The following ARL10 variants were observed in gnomAD, a reference collection of about 807,000 sequenced individuals.
The protein encoded by ARL10 is ARF like GTPase 10, also known as ADP-ribosylation factor-like protein 10.
ARL10 carries 23 observed loss-of-function variants against 26.1 expected under a neutral mutation model. That is an observed-to-expected ratio of 0.88 (90% CI 0.63 to 1.25). ARL10 has a LOEUF of 1.25. Ranked by LOEUF, ARL10 falls within the 50% of genes most tolerant of loss-of-function variation. The probability of loss-of-function intolerance (pLI) is 0.00; values close to 1 mark genes in which losing one functional copy is unlikely to be tolerated. For synonymous variants in ARL10, 138 were observed against 149.1 expected, an observed-to-expected ratio of 0.93 and a Z score of 0.54; for missense variants, 300 against 323.6, an observed-to-expected ratio of 0.93 and a Z score of 0.56.
chr5:176,390,404 G>C (rs1016520666), downstream of ARL10, among the ~76,000 whole-genome samples: 8 of 151,936 alleles, frequency 5.3e-5, no homozygotes, highest in Non-Finnish European at 8.8e-5. Context: ...CACCTCCCTA[G>C]AGTCTATGGG....
At chr5:176,399,919 CA>C (rs1283096096) in intron 1 of ARL10, among the ~76,000 whole-genome samples, 2 of 148,830 alleles carry the variant, frequency 1.3e-5, no homozygotes, top group African/African-American at 2.5e-5. Flanking sequence ...AGACCGGGCA[CA>C]GTGACTCACA....
chr5:176,366,270 T>TC, intron 1 of ARL10, 110 bp from the exon 2 acceptor site: 1 of 1,320,726 alleles, frequency 7.6e-7, no homozygotes, highest in Non-Finnish European at 1.0e-6. Context: ...TGCCTGCCTG[T>TC]CCCAGGACGG....
chr5:176,406,147 G>A (rs936100157), downstream of ARL10: 14 of 986,400 alleles, frequency 1.4e-5, no homozygotes, highest in African/African-American at 3.5e-5. Flanking sequence ...CTGGGCTCTC[G>A]TTTAATCACC....
Position 176,374,440 on chromosome 5 carries a change from G to C in ARL10, c.*2545G>C, listed in dbSNP as rs1167216636. The C allele has an allele frequency of 6.6e-6, 1 of 152,192 alleles. No homozygotes were observed. Among genetic ancestry groups the C allele is most frequent in the Non-Finnish European group, 1.5e-5 (1 of 68,042 alleles). 9.4% of individuals were successfully genotyped at this position (152,192 alleles called of 1,614,324 possible). On this transcript the variant is annotated 3_prime_UTR_variant, in exon 4 of 4. Transcript: ENST00000310389. ...TAATGAGACCATTTGAGGTACAAAGGATGACTGCATTGGTGTACTTAAGAC... is the reference window on the plus strand; with the variant it reads ...TAATGAGACCATTTGAGGTACAAAGCATGACTGCATTGGTGTACTTAAGAC...
chr5:176,405,207 G>T (rs943035994), downstream of ARL10, among the ~76,000 whole-genome samples: 1 of 151,988 alleles, frequency 6.6e-6, no homozygotes, highest in African/African-American at 2.4e-5. Flanking sequence ...AGCGAGTTTG[G>T]GACCAGGTGC....
In ARL10 at chr5:176,381,771, A is replaced by G. The variant is rs1755557216; in HGVS notation, c.*9876A>G. ...CTTAACAAAGGTCACCTTTGGAACC[A>G]GCACTAATTGTTGAGGGGGTCCCTG... is the stretch of plus-strand genomic sequence containing the variant. On this transcript the variant is annotated 3_prime_UTR_variant, in exon 4 of 4. Coordinates refer to ENST00000310389, the MANE Select transcript of ARL10 (RefSeq NM_173664.6). 2 of 152,260 alleles carry G rather than the reference A, an allele frequency of 1.3e-5. No homozygotes were observed. The highest frequency in any genetic ancestry group is 2.9e-5 in the Non-Finnish European group (2 of 68,046). The allele number at this position is 152,260 out of a possible 1,614,324, so 9.4% of individuals were successfully genotyped here.
chr5:176,397,772 C>T (rs987877373), intron 1 of ARL10: 28 of 1,559,338 alleles, frequency 1.8e-5, no homozygotes, highest in East Asian at 4.5e-5. Flanking sequence ...TGCACAGGCC[C>T]GGCCGCGCTC....
At chr5:176,405,583 G>A (rs1461292236), downstream of ARL10, 1 of 151,778 alleles carries the variant, frequency 6.6e-6, no homozygotes, top group Non-Finnish European at 1.5e-5. Flanking sequence ...CTCCATATCC[G>A]TTTATTCACT....
chr5:176,388,152 G>A, intron 1 of ARL10: 1 of 1,018,140 alleles, frequency 9.8e-7, no homozygotes, highest in East Asian at 2.4e-5. Flanking sequence ...GAAGGAATGG[G>A]CAGTACCACG....
chr5:176,390,019 C>T (rs1756196936), downstream of ARL10, among the ~76,000 whole-genome samples: 1 of 151,836 alleles, frequency 6.6e-6, no homozygotes, highest in Admixed American at 6.6e-5. Flanking sequence ...CCCATCTCTA[C>T]TAAAAATACA....
downstream of ARL10, among the ~76,000 whole-genome samples, chr5:176,393,596 C>T (rs1026934064): frequency 6.6e-6 from 1 of 152,166 alleles, no homozygotes; most frequent in Non-Finnish European, 1.5e-5. This position sits in a 1 kb window ranked among gnomAD's most constrained non-coding sequence, Gnocchi z 4.4. Flanking sequence ...ACATCCCAAG[C>T]GTCTTTCACC....
downstream of ARL10, among the ~76,000 whole-genome samples, chr5:176,390,892 T>C (rs562201277): frequency 3.3e-5 from 5 of 152,304 alleles, no homozygotes; most frequent in Non-Finnish European, 1.5e-5. Flanking sequence ...GCTGAGGACC[T>C]GAGCACACTC....
chr5:176,386,873 T>G (rs1227260064), downstream of ARL10: 1 of 1,614,056 alleles, frequency 6.2e-7, no homozygotes, highest in Non-Finnish European at 8.5e-7. Context: ...ACAAGCTCTT[T>G]AGGCCTCTCC....
rs1235904337 is a variant in ARL10 at position 176,378,456 on chromosome 5, G to A, written c.*6561G>A. 1 of 152,220 alleles carries A rather than the reference G, an allele frequency of 6.6e-6. No homozygotes were observed. Among genetic ancestry groups the A allele is most frequent in the Non-Finnish European group, 1.5e-5 (1 of 68,040 alleles). The allele number at this position is 152,220 out of a possible 1,614,324, so 9.4% of individuals were successfully genotyped here. A position where few individuals can be genotyped will look rare whatever the true frequency, so the allele number is the denominator to read the frequency against. On this transcript the variant is annotated 3_prime_UTR_variant, in exon 4 of 4. Transcript: ENST00000310389. Reference sequence around the variant, plus strand: ...AGGATAGTAGCAAGTTCATCCACTTGAGTCTGTTTTTAATAGGGGCTCCAC... The same window carrying A: ...AGGATAGTAGCAAGTTCATCCACTTAAGTCTGTTTTTAATAGGGGCTCCAC...
At chr5:176,365,864 A>G in intron 1 of ARL10, 118 bp downstream of exon 1, 2 of 1,096,770 alleles carry the variant, frequency 1.8e-6, no homozygotes, top group Non-Finnish European at 1.2e-6. Context: ...TGGGGGGTCG[A>G]GGGCTTGGCA....
exon 2 of ARL10, chr5:176,388,373 G>T (rs750020555): frequency 4.3e-6 from 7 of 1,612,010 alleles, no homozygotes; most frequent in Non-Finnish European, 5.9e-6. Context: ...TCGCGGATCC[G>T]TCATCTCGCG....
At chr5:176,397,625 T>C (rs1756606292) in intron 1 of ARL10, 1 of 1,586,376 alleles carries the variant, frequency 6.3e-7, no homozygotes, top group Non-Finnish European at 8.6e-7. Context: ...GATCTTGTTC[T>C]TCTCTACTTG....
At chr5:176,404,903 C>T (rs1198814418), downstream of ARL10, among the ~76,000 whole-genome samples, 3 of 152,230 alleles carry the variant, frequency 2.0e-5, no homozygotes, top group East Asian at 3.8e-4. Context: ...CTCACAGTTG[C>T]ATTCCCTAAC....
At chr5:176,392,443 T>C, downstream of ARL10, 1 of 242,622 alleles carries the variant, frequency 4.1e-6, no homozygotes, top group African/African-American at 2.2e-5. This position sits in a 1 kb window ranked among gnomAD's most constrained non-coding sequence, Gnocchi z 5.2. Flanking sequence ...AACCGAGCCC[T>C]GACACCAGTT....
Sources: allele counts gnomAD v4.1 joint callset (sites outside exome capture counted in the v4.1 genomes callset), GRCh38; gene constraint gnomAD v4.1.1; non-coding constraint Gnocchi (gnomAD v3.1); transcripts MANE v1.5; gene names NCBI Gene and HGNC (gene_info 2026-07-23, HGNC 2026-07-21).